ALDH7A1: variants seen among roughly 807,000 people sequenced by gnomAD.
ALDH7A1 encodes alpha-aminoadipic semialdehyde dehydrogenase.
In ALDH7A1, 63 loss-of-function variants were observed where a neutral mutation model predicts 79.9. The ratio of observed to expected loss-of-function variants is 0.79; its 90% CI spans 0.64 to 0.97. The LOEUF is 0.97. Among genes scored for constraint, ALDH7A1 ranks in the 50% least tolerant of loss-of-function variants. The pLI is 0.00. For synonymous variants in ALDH7A1, 240 were observed against 231.2 expected (o/e 1.04, Z -0.34); for missense variants, 627 against 665.2 (o/e 0.94, Z 0.63).
intron 8 of ALDH7A1, chr5:126,568,923 A>G (rs1750685856): frequency 6.5e-6 from 1 of 154,698 alleles, no homozygotes; most frequent in East Asian, 1.9e-4. Flanking sequence ...TGTCTCAAAA[A>G]GATAAAAATA....
intron 10 of ALDH7A1, 122 bp downstream of exon 10, chr5:126,560,961 G>A: frequency 9.3e-7 from 1 of 1,070,346 alleles, no homozygotes; most frequent in Non-Finnish European, 1.4e-6. Flanking sequence ...CCTAAACACA[G>A]GAACTAGGTC....
intron 9 of ALDH7A1, among the ~76,000 whole-genome samples, chr5:126,565,577 T>C (rs1417198129): frequency 1.3e-5 from 2 of 152,200 alleles, no homozygotes; most frequent in Non-Finnish European, 2.9e-5. Flanking sequence ...CACTTTTTCC[T>C]GATGTCCTTT....
At chr5:126,550,480 A>AT (rs1302434707) in intron 14 of ALDH7A1, among the ~76,000 whole-genome samples, 187 bp from the exon 15 acceptor site, 10 of 146,012 alleles carry the variant, frequency 6.8e-5, no homozygotes, top group Admixed American at 2.0e-4. Context: ...AAATTTTGGG[A>AT]TTTTTCCCCT....
At position 126,554,240 on chromosome 5, in the gene ALDH7A1, AAAG is replaced by A. The variant is rs765174538; in HGVS notation, c.1200+44_1200+46del. ...CAGAGCCCTGCTTGTGTCTCAGGGA[AAAG>A]AAGGTTAAAAAGCTGTCACAATTGA... On this transcript the variant is annotated intron_variant, in intron 13 of 17. Coordinates refer to ENST00000409134, the MANE Select transcript of ALDH7A1 (RefSeq NM_001182.5). 7 of 1,555,454 alleles carry A rather than the reference AAAG, an allele frequency of 4.5e-6. No individual in the cohort carries two copies. In the South Asian group the frequency reaches 5.6e-5, roughly 12 times the overall value.
chr5:126,579,896 G>A (rs1392960782), intron 5 of ALDH7A1, among the ~76,000 whole-genome samples: 1 of 152,196 alleles, frequency 6.6e-6, no homozygotes, highest in Non-Finnish European at 1.5e-5. Flanking sequence ...GGAGGTCCAA[G>A]CTGCAAGGGG....
intron 9 of ALDH7A1, chr5:126,564,503 A>G: frequency 4.0e-6 from 5 of 1,242,408 alleles, no homozygotes; most frequent in Non-Finnish European, 5.1e-6. Flanking sequence ...AGTGCACTTT[A>G]AAATCAGCTT....
chr5:126,558,928 G>A (rs1750298369), intron 11 of ALDH7A1, among the ~76,000 whole-genome samples: 1 of 152,072 alleles, frequency 6.6e-6, no homozygotes, highest in Non-Finnish European at 1.5e-5. Context: ...ATCTTGTTTT[G>A]TTCTCTAAAT....
intron 17 of ALDH7A1, 94 bp downstream of exon 17, chr5:126,546,230 C>T: frequency 9.0e-7 from 1 of 1,113,762 alleles, no homozygotes; most frequent in South Asian, 1.2e-5. Flanking sequence ...AATCAAATGA[C>T]ACTGCACAAA....
intron 11 of ALDH7A1, among the ~76,000 whole-genome samples, chr5:126,556,237 G>GTA (rs1238284841): frequency 2.1e-5 from 2 of 93,882 alleles, no homozygotes; most frequent in Non-Finnish European, 4.6e-5. Context: ...CATAAGCCAT[G>GTA]TCTTTTTTTT....
chr5:126,558,906 CTTTTTA>C (rs1276003748), intron 11 of ALDH7A1, among the ~76,000 whole-genome samples: 6 of 152,168 alleles, frequency 3.9e-5, no homozygotes, highest in Admixed American at 3.9e-4. Flanking sequence ...TTTAATAATT[CTTTTTA>C]TTTTTATCTT....
rs188125915 is a variant in ALDH7A1, at chr5:126,586,350, G to A, written c.313-2338C>T. On this transcript the variant is annotated intron_variant, in intron 3 of 17. Coordinates refer to ENST00000409134, the MANE Select transcript of ALDH7A1 (RefSeq NM_001182.5). ...TTGAATTTAGTCAGCACATTTATAA[G>A]CTTAGTTAAGTTGGTTAATTTCAAC... The A allele has an allele frequency of 4.6e-5, 7 of 152,332 alleles. No individual in the cohort carries two copies. The East Asian group carries it at 7.7e-4, about 17-fold the overall frequency. 9.4% of individuals were successfully genotyped at this position (152,332 alleles called of 1,614,324 possible).
chr5:126,546,106 C>T (rs188154560), intron 17 of ALDH7A1, among the ~76,000 whole-genome samples: 13 of 152,256 alleles, frequency 8.5e-5, no homozygotes, highest in Non-Finnish European at 1.3e-4. Context: ...AAACCACGCA[C>T]GAGACCATTT....
chr5:126,550,848 A>G (rs1749974636), intron 14 of ALDH7A1, among the ~76,000 whole-genome samples: 1 of 152,242 alleles, frequency 6.6e-6, no homozygotes, highest in Non-Finnish European at 1.5e-5. Context: ...TGCAATTCTC[A>G]CTATTATTTT....
intron 11 of ALDH7A1, among the ~76,000 whole-genome samples, chr5:126,556,770 T>C (rs1204738928): frequency 1.3e-5 from 2 of 152,172 alleles, no homozygotes; most frequent in Non-Finnish European, 2.9e-5. Flanking sequence ...TTGCATTCTC[T>C]GGGTAGTTGT....
At chr5:126,553,293 A>T (rs1477528055) in intron 13 of ALDH7A1, 1 of 152,174 alleles carries the variant, frequency 6.6e-6, no homozygotes, top group Non-Finnish European at 1.5e-5. Context: ...TAAAATATGG[A>T]ATACTTTTTA....
chr5:126,569,067 G>A (rs1304066602), intron 8 of ALDH7A1: 1 of 152,518 alleles, frequency 6.6e-6, no homozygotes, highest in African/African-American at 2.4e-5. Flanking sequence ...ACAGCAGGAG[G>A]TAGGCAGCAG....
chr5:126,549,506 G>A lies in ALDH7A1; in HGVS notation c.1489+423C>T, dbSNP rs139077368. The stretch of plus-strand genomic sequence containing the variant: ...TAAGAGGAAACAGGAGCAGGGCCCA[G>A]TGAAAAGAAACAACTTTGTATTCCA... On this transcript the variant is annotated intron_variant, in intron 16 of 17. Coordinates refer to ENST00000409134, the MANE Select transcript of ALDH7A1 (RefSeq NM_001182.5). 2.2e-5 allele frequency: 4 copies of A among 180,436 alleles called. No individual in the cohort carries two copies. The East Asian group carries it at 4.5e-4, about 20-fold the overall frequency. The allele number at this position is 180,436 out of a possible 1,614,324, so 11.2% of individuals were successfully genotyped here.
At chr5:126,571,147 CAG>C in intron 7 of ALDH7A1, 1 of 267,932 alleles carries the variant, frequency 3.7e-6, no homozygotes, top group East Asian at 8.6e-5. Context: ...AAACTATTAG[CAG>C]ATTTTTTTTT....
chr5:126,560,466 C>T (rs946958745), intron 10 of ALDH7A1, among the ~76,000 whole-genome samples: 16 of 151,600 alleles, frequency 1.1e-4, no homozygotes, highest in Non-Finnish European at 1.8e-4. Context: ...GTAAGACTCC[C>T]GTCTCAAAAA....
Sources: gnomAD v4.1 joint callset for allele counts (sites outside exome capture counted in the v4.1 genomes callset) on GRCh38, gnomAD v4.1.1 for gene constraint, MANE v1.5 for transcripts, NCBI Gene and HGNC (gene_info 2026-07-23, HGNC 2026-07-21) for gene names.